KHDRBS2: variants seen among roughly 807,000 people sequenced by gnomAD.
KHDRBS2 encodes KH RNA binding domain containing, signal transduction associated 2, also known as KH domain-containing, RNA-binding, signal transduction-associated protein 2.
Under a neutral mutation model 44.3 loss-of-function variants are expected in KHDRBS2, and 26 were observed. The observed-to-expected ratio is 0.59, with a 90% CI of 0.43 to 0.81. KHDRBS2 has a LOEUF of 0.81. KHDRBS2 is among the 40% of genes least tolerant of loss of function. The pLI is 0.00. For synonymous variants in KHDRBS2, 194 were observed against 151.1 expected (o/e 1.28, Z -2.08); for missense variants, 476 against 433.1 (o/e 1.10, Z -0.88).
chr6:61,908,738 C>G (rs1220369593), intron 4 of KHDRBS2, among the ~76,000 whole-genome samples: 4 of 151,834 alleles, frequency 2.6e-5, no homozygotes, highest in African/African-American at 9.7e-5. Context: ...ATCCCTAGGC[C>G]TACCCGTATT....
At chr6:61,546,872 T>C in the KHDRBS2 span, among the ~76,000 whole-genome samples, 1 of 152,132 alleles carries the variant, frequency 6.6e-6, no homozygotes, top group African/African-American at 2.4e-5. Context: ...ATTTCTGTTT[T>C]ACAATAATTT....
chr6:61,548,216 TAA>T, the KHDRBS2 span, among the ~76,000 whole-genome samples: 1 of 151,926 alleles, frequency 6.6e-6, no homozygotes, highest in African/African-American at 2.4e-5. Flanking sequence ...TATGGAAAAA[TAA>T]CATTGAAGAC....
chr6:61,552,687 T>C, the KHDRBS2 span, among the ~76,000 whole-genome samples: 1 of 152,170 alleles, frequency 6.6e-6, no homozygotes, highest in African/African-American at 2.4e-5. Context: ...TGCCTAGTTT[T>C]TTGAGGATTT....
the KHDRBS2 span, among the ~76,000 whole-genome samples, chr6:61,621,663 C>A: frequency 3.3e-5 from 5 of 152,162 alleles, no homozygotes; most frequent in African/African-American, 1.2e-4. Flanking sequence ...TCTAAAGTAA[C>A]CCCCAATGAT....
At chr6:61,774,821 T>G (rs1387781840) in intron 6 of KHDRBS2, among the ~76,000 whole-genome samples, 1 of 152,190 alleles carries the variant, frequency 6.6e-6, no homozygotes, top group African/African-American at 2.4e-5. Flanking sequence ...TACCAAAGCC[T>G]GGCAGAGACA....
chr6:61,727,931 C>A (rs113803216), intron 7 of KHDRBS2, among the ~76,000 whole-genome samples: 1 of 151,892 alleles, frequency 6.6e-6, no homozygotes, highest in East Asian at 1.9e-4. Flanking sequence ...GGGTATGTAC[C>A]CAAAGTAATA....
chr6:62,269,592 T>C (rs2150187466), intron 1 of KHDRBS2, among the ~76,000 whole-genome samples: 1 of 152,170 alleles, frequency 6.6e-6, no homozygotes, highest in South Asian at 2.1e-4. Context: ...CGTCAAATGT[T>C]GGCAAGGAAA....
At chr6:61,765,613 A>C (rs1390080520) in intron 6 of KHDRBS2, among the ~76,000 whole-genome samples, 1 of 152,170 alleles carries the variant, frequency 6.6e-6, no homozygotes, top group Non-Finnish European at 1.5e-5. Context: ...GAATGATACT[A>C]GCTGTGGGTC....
At position 62,068,458 on chromosome 6, in the gene KHDRBS2, CTG is replaced by C. The variant is rs1389867905; in HGVS notation, c.220-20466_220-20465del. On this transcript the variant is annotated intron_variant, in intron 2 of 8. Coordinates refer to ENST00000281156, the MANE Select transcript of KHDRBS2 (RefSeq NM_152688.4). Reference sequence around the variant, plus strand: ...CTAATATTTTCTTCCATTCTTTGGGCTGTGTTTTCATTTTCTTGACGGCTGTC... The same window carrying C: ...CTAATATTTTCTTCCATTCTTTGGGCTGTTTTCATTTTCTTGACGGCTGTC... 4.0e-5 allele frequency among the ~76,000 whole-genome samples: 6 copies of C among 151,508 alleles called. No homozygotes were observed. The East Asian group carries it at 1.2e-3, about 30-fold the overall frequency.
intron 4 of KHDRBS2, among the ~76,000 whole-genome samples, chr6:61,914,564 C>A (rs552105079): frequency 6.6e-6 from 1 of 151,788 alleles, no homozygotes. Flanking sequence ...ATGTAAATGA[C>A]GAGTTAATGG....
chr6:61,889,200 T>A (rs1801429848), intron 6 of KHDRBS2, among the ~76,000 whole-genome samples: 1 of 152,204 alleles, frequency 6.6e-6, no homozygotes, highest in Non-Finnish European at 1.5e-5. Flanking sequence ...TTATTTTTAA[T>A]CTTCAATAGA....
intron 6 of KHDRBS2, among the ~76,000 whole-genome samples, chr6:61,870,394 A>C (rs548558962): frequency 6.6e-6 from 1 of 152,284 alleles, no homozygotes; most frequent in East Asian, 1.9e-4. Flanking sequence ...AGCCTCATTC[A>C]GGGACTTATA....
intron 3 of KHDRBS2, among the ~76,000 whole-genome samples, chr6:62,025,875 C>G (rs1783214877): frequency 6.6e-6 from 1 of 152,026 alleles, no homozygotes; most frequent in South Asian, 2.1e-4. Context: ...TAGACATAAA[C>G]TTTAATTACA....
At chr6:61,896,773 C>A (rs1313727112) in intron 5 of KHDRBS2, among the ~76,000 whole-genome samples, 3 of 152,144 alleles carry the variant, frequency 2.0e-5, no homozygotes, top group Non-Finnish European at 4.4e-5. Flanking sequence ...TGCTTTCACC[C>A]CTCTGTTGAA....
chr6:62,198,095 G>A (rs1410446626), intron 1 of KHDRBS2, among the ~76,000 whole-genome samples: 4 of 152,156 alleles, frequency 2.6e-5, no homozygotes, highest in African/African-American at 7.2e-5. Flanking sequence ...GCAGTGTGCA[G>A]AGGGAAATTT....
At chr6:62,177,529 C>T (rs1400022881) in intron 1 of KHDRBS2, among the ~76,000 whole-genome samples, 2 of 137,378 alleles carry the variant, frequency 1.5e-5, no homozygotes, top group African/African-American at 5.2e-5. Context: ...AACTAAAAAG[C>T]GATAATTGAA....
chr6:61,779,368 T>C (rs17253951), intron 6 of KHDRBS2, among the ~76,000 whole-genome samples: 57,258 of 151,942 alleles, frequency 0.38, 11,963 homozygotes, highest in African/African-American at 0.57. Context: ...TTTGTTTTAA[T>C]AAATGTAGTA....
chr6:62,045,651 T>A (rs1474624149), intron 3 of KHDRBS2, among the ~76,000 whole-genome samples: 1 of 152,064 alleles, frequency 6.6e-6, no homozygotes, highest in Admixed American at 6.6e-5. Flanking sequence ...AATCAATGCA[T>A]GAACATATGC....
At chr6:62,051,643 C>T (rs1246579576) in intron 2 of KHDRBS2, among the ~76,000 whole-genome samples, 1 of 151,984 alleles carries the variant, frequency 6.6e-6, no homozygotes, top group Admixed American at 6.6e-5. Flanking sequence ...AACGGGACTA[C>T]ATTAAACTAA....
Sources: gnomAD v4.1 joint callset for allele counts (sites outside exome capture counted in the v4.1 genomes callset) on GRCh38, gnomAD v4.1.1 for gene constraint, MANE v1.5 for transcripts, NCBI Gene and HGNC (gene_info 2026-07-23, HGNC 2026-07-21) for gene names.